ACER2: variants seen among roughly 807,000 people sequenced by gnomAD.
The protein encoded by ACER2 is alkaline ceramidase 2.
In ACER2, 26 loss-of-function variants were observed where a neutral mutation model predicts 34.7. The observed-to-expected ratio is 0.75, with a 90% CI of 0.55 to 1.04. The LOEUF (loss-of-function observed/expected upper bound fraction) is 1.04, where lower values mean the gene tolerates loss of function less well. Ranked by LOEUF, ACER2 falls within the 50% of genes least tolerant of loss-of-function variation. The pLI is 0.00. For missense variants in ACER2, 352 were observed against 340.8 expected, an observed-to-expected ratio of 1.03 and a Z score of -0.26; for synonymous variants, 138 against 132.1, an observed-to-expected ratio of 1.04 and a Z score of -0.31.
intron 3 of ACER2, among the ~76,000 whole-genome samples, chr9:19,426,138 C>T (rs1180681368): frequency 1.3e-5 from 2 of 151,854 alleles, no homozygotes; most frequent in Non-Finnish European, 2.9e-5. Context: ...GGTGAGGACA[C>T]CTAACTACAG....
At chr9:19,435,727 G>A (rs1830942461) in intron 4 of ACER2, among the ~76,000 whole-genome samples, 1 of 152,002 alleles carries the variant, frequency 6.6e-6, no homozygotes, top group Non-Finnish European at 1.5e-5. Flanking sequence ...ACTCCAGCCT[G>A]GGTGACAGAG....
In ACER2 at chr9:19,409,011, C is replaced by G. The variant is rs565552974; in HGVS notation, c.-74C>G. ...AGCCGCTTTCGCCGCTGGCTGTCGC[C>G]GCGTTTTGCCTCCGCAGCAGCTCTG... On this transcript the variant is annotated 5_prime_UTR_variant, in exon 1 of 6. Coordinates refer to ENST00000340967, the MANE Select transcript of ACER2 (RefSeq NM_001010887.3). 10 of 1,329,792 alleles carry G rather than the reference C, an allele frequency of 7.5e-6. No homozygotes were observed. The South Asian group carries it at 1.5e-4, about 20-fold the overall frequency. 82.4% of individuals were successfully genotyped at this position (1,329,792 alleles called of 1,614,324 possible).
At chr9:19,425,109 A>C (rs896851903) in intron 3 of ACER2, among the ~76,000 whole-genome samples, 6 of 152,326 alleles carry the variant, frequency 3.9e-5, no homozygotes, top group Admixed American at 2.0e-4. Context: ...AGAATTAGCA[A>C]GAGTGGAAAG....
chr9:19,414,509 G>T (rs1028018136), intron 1 of ACER2, among the ~76,000 whole-genome samples: 18 of 152,166 alleles, frequency 1.2e-4, no homozygotes, highest in African/African-American at 4.1e-4. Flanking sequence ...TGGGCTAGGC[G>T]CAGTGGCTCA....
intron 1 of ACER2, among the ~76,000 whole-genome samples, chr9:19,410,590 G>A (rs572287841): frequency 6.6e-6 from 1 of 152,102 alleles, no homozygotes; most frequent in East Asian, 1.9e-4. Context: ...CACACTTGTC[G>A]TCCCAGCTAC....
chr9:19,417,353 T>TC (rs1480651072), intron 1 of ACER2, among the ~76,000 whole-genome samples: 1 of 152,220 alleles, frequency 6.6e-6, no homozygotes, highest in Non-Finnish European at 1.5e-5. Context: ...TAACTTTTTT[T>TC]CACAGAATTA....
chr9:19,440,968 C>T (rs1831135971), intron 4 of ACER2, among the ~76,000 whole-genome samples: 1 of 152,162 alleles, frequency 6.6e-6, no homozygotes, highest in Admixed American at 6.5e-5. Context: ...GCACCATTTA[C>T]CCAGTTACTG....
At chr9:19,427,623 C>G (rs570383682) in intron 3 of ACER2, among the ~76,000 whole-genome samples, 121 of 127,062 alleles carry the variant, frequency 9.5e-4, no homozygotes, top group African/African-American at 3.9e-3. Flanking sequence ...TCCCTTCCCT[C>G]CCTCCCCCCC....
intron 4 of ACER2, among the ~76,000 whole-genome samples, chr9:19,445,368 A>G (rs1406035903): frequency 6.6e-6 from 1 of 152,248 alleles, no homozygotes; most frequent in African/African-American, 2.4e-5. Context: ...ATACAGCAGT[A>G]AACAGATTCC....
chr9:19,433,300 G>A (rs1271751523), intron 3 of ACER2, among the ~76,000 whole-genome samples: 7 of 151,750 alleles, frequency 4.6e-5, no homozygotes, highest in South Asian at 2.1e-4. Context: ...AGGACCCTGC[G>A]GCCTTCCGCA....
At chr9:19,423,425 G>A (rs1830466805) in intron 1 of ACER2, among the ~76,000 whole-genome samples, 1 of 152,194 alleles carries the variant, frequency 6.6e-6, no homozygotes, top group African/African-American at 2.4e-5. Context: ...CAGAGGCTGG[G>A]TGTGGTGGCT....
intron 3 of ACER2, among the ~76,000 whole-genome samples, chr9:19,429,209 A>G (rs1199646151): frequency 2.6e-5 from 4 of 152,260 alleles, no homozygotes; most frequent in Non-Finnish European, 4.4e-5. Flanking sequence ...CATCTTGCCT[A>G]AAATGTCCTG....
chr9:19,424,457 G>C, intron 2 of ACER2: 1 of 985,364 alleles, frequency 1.0e-6, no homozygotes, highest in African/African-American at 1.7e-5. Flanking sequence ...GACAGAATGC[G>C]TTTAACTGTG....
At chr9:19,435,379 G>C (rs1189947950) in intron 4 of ACER2, among the ~76,000 whole-genome samples, 2 of 152,122 alleles carry the variant, frequency 1.3e-5, no homozygotes, top group African/African-American at 4.8e-5. Context: ...CTGTAGAAAA[G>C]AAAAGTCCTA....
chr9:19,450,179 G>C (rs1278775482), intron 5 of ACER2: 1 of 985,014 alleles, frequency 1.0e-6, no homozygotes, highest in Non-Finnish European at 1.2e-6. Flanking sequence ...CTTGTTTGAG[G>C]CCCAAAGGCA....
chr9:19,445,160 G>T (rs903305622), intron 4 of ACER2, among the ~76,000 whole-genome samples: 1 of 152,200 alleles, frequency 6.6e-6, no homozygotes, highest in South Asian at 2.1e-4. Context: ...CTGCCCCCAG[G>T]TGTTCGTCCC....
At chr9:19,446,445 C>G in intron 5 of ACER2, 27 bp downstream of exon 5, 1 of 1,613,772 alleles carries the variant, frequency 6.2e-7, no homozygotes, top group Non-Finnish European at 8.5e-7. Context: ...GGGGAGGTGG[C>G]CGGGGACAGG....
chr9:19,443,449 AGCCACC>A (rs1375244111), intron 4 of ACER2, among the ~76,000 whole-genome samples: 1 of 152,136 alleles, frequency 6.6e-6, no homozygotes, highest in African/African-American at 2.4e-5. Flanking sequence ...TACAGGCATG[AGCCACC>A]GTGCCTGGCC....
intron 1 of ACER2, among the ~76,000 whole-genome samples, chr9:19,415,020 A>G (rs755042098): frequency 3.0e-4 from 46 of 152,022 alleles, no homozygotes; most frequent in Non-Finnish European, 5.9e-4. Flanking sequence ...TCTCTTGGGG[A>G]AAGTCTCCCA....
Sources: gnomAD v4.1 joint callset for allele counts (sites outside exome capture counted in the v4.1 genomes callset) on GRCh38, gnomAD v4.1.1 for gene constraint, MANE v1.5 for transcripts, NCBI Gene and HGNC (gene_info 2026-07-23, HGNC 2026-07-21) for gene names.